The following EFR3A variants were observed in gnomAD, a reference collection of about 807,000 sequenced individuals.
EFR3A encodes the protein protein EFR3 homolog A.
Under a neutral mutation model 104.4 loss-of-function variants are expected in EFR3A, and 76 were observed. The ratio of observed to expected loss-of-function variants is 0.73; its 90% confidence interval spans 0.60 to 0.88. The LOEUF (loss-of-function observed/expected upper bound fraction) is 0.88. Among genes scored for constraint, EFR3A ranks in the 40% least tolerant of loss-of-function variants. EFR3A has a pLI of 0.00. For synonymous variants in EFR3A, 330 were observed against 330.0 expected (o/e 1.00, Z 0.00); for missense variants, 985 against 1,012.5 (o/e 0.97, Z 0.37).
chr8:131,961,709 T>C (rs201395316), intron 8 of EFR3A, among the ~76,000 whole-genome samples: 6 of 152,008 alleles, frequency 3.9e-5, no homozygotes, highest in Non-Finnish European at 7.4e-5. Context: ...ATACAGAGAA[T>C]GCCACAAAGA....
At chr8:131,940,688 C>T (rs1489649599) in intron 2 of EFR3A, 113 bp downstream of exon 2, 6 of 1,418,752 alleles carry the variant, frequency 4.2e-6, no homozygotes, top group Non-Finnish European at 5.6e-6. Flanking sequence ...TACATCTCAT[C>T]ATTTATACTA....
intron 1 of EFR3A, chr8:131,935,470 C>A (rs986553788): frequency 1.1e-5 from 5 of 442,588 alleles, no homozygotes; most frequent in African/African-American, 8.1e-5. Flanking sequence ...GCATGAAGGA[C>A]CAAAATCCAG....
In EFR3A at chr8:132,010,853, C is replaced by A; in HGVS notation, c.2424C>A (p.Val808=). 1 of 1,612,550 alleles carries A rather than the reference C, an allele frequency of 6.2e-7. No individual in the cohort carries two copies. The highest frequency in any genetic ancestry group is 1.1e-5 in the South Asian group (1 of 91,002). ...ITSGHAQYQS[V]PVYEMKFPDL... is the part of the protein sequence containing the mutation. ...CTGGGCATGCCCAATACCAATCTGT[C>A]CCAGTCTATGAGATGAAGTTTCCAG... The change falls in exon 23 of 23, where the codon GTC becomes GTA. Residue 808 remains valine, a synonymous_variant. Coordinates refer to ENST00000254624, the MANE Select transcript of EFR3A (RefSeq NM_015137.6).
intron 10 of EFR3A, among the ~76,000 whole-genome samples, chr8:131,972,240 C>T (rs2130709913): frequency 6.9e-6 from 1 of 144,452 alleles, no homozygotes; most frequent in African/African-American, 2.6e-5. Flanking sequence ...CAAGACATCC[C>T]CCCACCTCCC....
At chr8:131,919,888 T>A (rs1816920460) in intron 1 of EFR3A, among the ~76,000 whole-genome samples, 1 of 150,866 alleles carries the variant, frequency 6.6e-6, no homozygotes, top group Non-Finnish European at 1.5e-5. Context: ...ATATATATAT[T>A]ATATTTAAGT....
intron 9 of EFR3A, among the ~76,000 whole-genome samples, chr8:131,969,824 G>A (rs981346182): frequency 1.3e-5 from 2 of 152,144 alleles, no homozygotes; most frequent in African/African-American, 4.8e-5. Flanking sequence ...CTCTGTGCTA[G>A]GCTCTATACG....
chr8:131,922,209 C>T (rs945191033), intron 1 of EFR3A, among the ~76,000 whole-genome samples: 2 of 152,072 alleles, frequency 1.3e-5, no homozygotes, highest in Non-Finnish European at 2.9e-5. Context: ...GGATACCAGT[C>T]ATTGAATTTA....
chr8:131,941,143 A>G (rs1358457991), intron 2 of EFR3A, among the ~76,000 whole-genome samples: 2 of 152,116 alleles, frequency 1.3e-5, no homozygotes, highest in Non-Finnish European at 2.9e-5. Flanking sequence ...CACAGTTTTT[A>G]GAAGAGAACT....
At chr8:131,918,557 T>A (rs1482145628) in intron 1 of EFR3A, among the ~76,000 whole-genome samples, 3 of 152,204 alleles carry the variant, frequency 2.0e-5, no homozygotes, top group Non-Finnish European at 4.4e-5. Flanking sequence ...ATAGAGAAAT[T>A]ACTTAAAATA....
intron 2 of EFR3A, 130 bp from the exon 3 acceptor site, chr8:131,944,615 G>T (rs1211208569): frequency 1.1e-6 from 1 of 917,370 alleles, no homozygotes; most frequent in Admixed American, 3.3e-5. Flanking sequence ...AGGAGGTTAT[G>T]TGCAGAAGGG....
intron 18 of EFR3A, among the ~76,000 whole-genome samples, chr8:131,991,399 ACT>A (rs150014566): frequency 0.041 from 6,264 of 151,988 alleles, 311 homozygotes; most frequent in East Asian, 0.12. Context: ...TTCAGCTGAA[ACT>A]CTCTATAAGT....
intron 18 of EFR3A, among the ~76,000 whole-genome samples, chr8:131,988,036 A>C (rs1820984135): frequency 6.6e-6 from 1 of 152,094 alleles, no homozygotes; most frequent in Non-Finnish European, 1.5e-5. Flanking sequence ...GAAATTGATG[A>C]AAATTGTTTA....
intron 21 of EFR3A, 95 bp downstream of exon 21, chr8:132,002,801 A>G (rs911532180): frequency 1.3e-5 from 13 of 970,302 alleles, no homozygotes; most frequent in Admixed American, 2.3e-5. Context: ...GCTTTAGTCA[A>G]ATCAACGGAA....
intron 1 of EFR3A, among the ~76,000 whole-genome samples, chr8:131,909,260 T>C (rs900682596): frequency 2.0e-5 from 3 of 152,136 alleles, no homozygotes; most frequent in Admixed American, 6.6e-5. Context: ...TATAAAAGTT[T>C]TATAATTTGG....
intron 1 of EFR3A, among the ~76,000 whole-genome samples, chr8:131,926,395 C>G (rs146073553): frequency 1.1e-3 from 163 of 152,100 alleles, no homozygotes; most frequent in African/African-American, 3.3e-3. Flanking sequence ...AACACCAGAA[C>G]TACATCAAAA....
intron 1 of EFR3A, among the ~76,000 whole-genome samples, chr8:131,914,057 ATGT>A (rs1191177164): frequency 2.6e-5 from 4 of 152,194 alleles, no homozygotes; most frequent in African/African-American, 4.8e-5. Flanking sequence ...CTTTATGAAC[ATGT>A]TGTTAGAATC....
intron 3 of EFR3A, 25 bp downstream of exon 3, chr8:131,944,897 A>G (rs1032384200): frequency 1.4e-5 from 23 of 1,596,326 alleles, no homozygotes; most frequent in Non-Finnish European, 1.9e-5. Context: ...GGCTGCTAAA[A>G]TAGTATCTTT....
chr8:131,951,853 TTTGA>T lies in EFR3A; in HGVS notation c.488+1766_488+1769del, dbSNP rs377693371. Among the ~76,000 whole-genome samples the T allele has an allele frequency of 3.7e-4, 56 of 152,204 alleles. No homozygotes were observed. The East Asian group carries it at 8.1e-3, about 22-fold the overall frequency. On this transcript the variant is annotated intron_variant, in intron 5 of 22. Transcript: ENST00000254624. ...ATGCTATTTAATATAAAATACTTAG[TTTGA>T]TTATTTCTGCTTTAACTTAAATAAA...
At chr8:131,943,272 G>A (rs1416438897) in intron 2 of EFR3A, among the ~76,000 whole-genome samples, 1 of 152,148 alleles carries the variant, frequency 6.6e-6, no homozygotes, top group South Asian at 2.1e-4. Flanking sequence ...CTTATTTTTA[G>A]CAGTGTCTTC....
Sources: gnomAD v4.1 joint callset for allele counts (sites outside exome capture counted in the v4.1 genomes callset) on GRCh38, gnomAD v4.1.1 for gene constraint, MANE v1.5 for transcripts, NCBI Gene and HGNC (gene_info 2026-07-23, HGNC 2026-07-21) for gene names.